Variants in SEMA3E observed in about 807,000 individuals in gnomAD.
The protein encoded by SEMA3E is semaphorin 3E.
Under a neutral mutation model 93.6 loss-of-function variants are expected in SEMA3E, and 49 were observed. That is an observed-to-expected ratio of 0.52 (90% CI 0.42 to 0.66). The LOEUF is 0.66. Ranked by LOEUF, SEMA3E falls within the 30% of genes least tolerant of loss-of-function variation. The pLI, the probability that SEMA3E is intolerant of heterozygous loss-of-function variation, is 0.00. For synonymous variants in SEMA3E, 363 were observed against 330.7 expected (o/e 1.10, Z -1.06); for missense variants, 906 against 964.8 (o/e 0.94, Z 0.81).
chr7:83,460,741 G>A (rs574713259), intron 4 of SEMA3E, among the ~76,000 whole-genome samples: 5 of 148,026 alleles, frequency 3.4e-5, no homozygotes, highest in South Asian at 4.4e-4. Context: ...TCTGTGCCCC[G>A]GCCCCTTATC....
rs1055702696 is a variant in SEMA3E, at chr7:83,420,124, C to T, written c.457-1641G>A. Among the ~76,000 whole-genome samples the T allele has an allele frequency of 5.3e-5, 8 of 152,090 alleles. No homozygotes were observed. The East Asian group carries it at 1.5e-3, about 29-fold the overall frequency. On this transcript the variant is annotated intron_variant, in intron 4 of 16. Coordinates refer to ENST00000643230, the MANE Select transcript of SEMA3E (RefSeq NM_012431.3). ...TACAAAATCAATGTCTAAAAATCAG[C>T]AAAATTTCTATACACATATAGCATT...
At chr7:83,440,512 ACTTT>A (rs1375275175) in intron 4 of SEMA3E, among the ~76,000 whole-genome samples, 2 of 152,160 alleles carry the variant, frequency 1.3e-5, no homozygotes, top group Admixed American at 1.3e-4. Flanking sequence ...TTATAAATAA[ACTTT>A]CTTAGATTCA....
At chr7:83,596,508 T>C (rs937426582) in intron 1 of SEMA3E, among the ~76,000 whole-genome samples, 5 of 152,120 alleles carry the variant, frequency 3.3e-5, no homozygotes, top group African/African-American at 9.7e-5. Context: ...ATAATAAATA[T>C]ATAACTGAAT....
intron 4 of SEMA3E, among the ~76,000 whole-genome samples, chr7:83,466,068 A>G (rs976007699): frequency 6.6e-6 from 1 of 152,132 alleles, no homozygotes; most frequent in Non-Finnish European, 1.5e-5. Context: ...CAGAATCAAA[A>G]AGTCTTTGCA....
intron 1 of SEMA3E, among the ~76,000 whole-genome samples, chr7:83,639,123 A>C (rs1340779235): frequency 2.2e-5 from 3 of 138,744 alleles, no homozygotes; most frequent in Non-Finnish European, 3.1e-5. Flanking sequence ...AAAAAAAAAA[A>C]AAAAAAAAAA....
In SEMA3E at chr7:83,417,288, T is replaced by G. The variant is rs1401377439; in HGVS notation, c.550+1102A>C. On this transcript the variant is annotated intron_variant, in intron 5 of 16. Transcript: ENST00000643230. ...TACTTTTTTACACCTGAGAACCAGA[T>G]GTAGGGAATAGAATGCAAGACCCAT... Among the ~76,000 whole-genome samples the G allele has an allele frequency of 4.6e-5, 7 of 152,004 alleles. No homozygotes were observed. The South Asian group carries it at 6.2e-4, about 13-fold the overall frequency.
chr7:83,387,349 T>G (rs1412830007), intron 14 of SEMA3E, among the ~76,000 whole-genome samples: 1 of 118,054 alleles, frequency 8.5e-6, no homozygotes, highest in Non-Finnish European at 2.0e-5. Context: ...ACAAGAAATC[T>G]TCTAGTTTGA....
At chr7:83,502,682 C>A (rs989351976) in intron 1 of SEMA3E, among the ~76,000 whole-genome samples, 7 of 152,178 alleles carry the variant, frequency 4.6e-5, no homozygotes, top group African/African-American at 1.7e-4. Flanking sequence ...TCCTGTATTG[C>A]ATGAATGCTA....
intron 4 of SEMA3E, among the ~76,000 whole-genome samples, chr7:83,436,369 C>G (rs1376817186): frequency 6.6e-6 from 1 of 150,972 alleles, no homozygotes; most frequent in African/African-American, 2.4e-5. Context: ...GAATAAGAAT[C>G]AAGATTTTTT....
intron 4 of SEMA3E, among the ~76,000 whole-genome samples, chr7:83,431,917 T>G (rs1788891246): frequency 6.6e-6 from 1 of 151,602 alleles, no homozygotes; most frequent in Non-Finnish European, 1.5e-5. Flanking sequence ...TCTGTGCAGG[T>G]GCCACCTATT....
chr7:83,436,297 T>G (rs1468827986), intron 4 of SEMA3E, among the ~76,000 whole-genome samples: 1 of 150,988 alleles, frequency 6.6e-6, no homozygotes, highest in Admixed American at 6.6e-5. Flanking sequence ...TCTAATAAAC[T>G]AGTAAGAAGA....
chr7:83,625,310 T>A (rs1793647574), intron 1 of SEMA3E, among the ~76,000 whole-genome samples: 1 of 152,190 alleles, frequency 6.6e-6, no homozygotes, highest in Non-Finnish European at 1.5e-5. Flanking sequence ...CAAATTAATT[T>A]GCACAGTATG....
intron 1 of SEMA3E, among the ~76,000 whole-genome samples, chr7:83,599,813 C>T (rs892111361): frequency 9.2e-5 from 14 of 151,966 alleles, no homozygotes; most frequent in African/African-American, 2.2e-4. Context: ...TGATGGTGTC[C>T]GTGTATGTTT....
chr7:83,521,445 C>T (rs546668499), intron 1 of SEMA3E, among the ~76,000 whole-genome samples: 2 of 152,246 alleles, frequency 1.3e-5, no homozygotes, highest in Admixed American at 6.5e-5. Flanking sequence ...CAAGGAAAAA[C>T]AGTCTTTCTG....
chr7:83,592,958 AT>A (rs145243318), intron 1 of SEMA3E, among the ~76,000 whole-genome samples: 5 of 151,752 alleles, frequency 3.3e-5, no homozygotes, highest in Admixed American at 1.3e-4. Flanking sequence ...TTTAATAAAC[AT>A]TTTTTTTCTT....
intron 4 of SEMA3E, among the ~76,000 whole-genome samples, chr7:83,459,667 T>A (rs571832921): frequency 2.0e-5 from 3 of 152,180 alleles, no homozygotes; most frequent in Non-Finnish European, 4.4e-5. Flanking sequence ...AATATGCTAA[T>A]TGTCAGGCCT....
intron 1 of SEMA3E, among the ~76,000 whole-genome samples, chr7:83,639,973 G>A (rs1236784531): frequency 5.9e-5 from 9 of 151,980 alleles, no homozygotes; most frequent in Admixed American, 5.9e-4. Flanking sequence ...TAGGAAAAAA[G>A]CAATCAGGAG....
chr7:83,489,732 C>T lies in SEMA3E; in HGVS notation c.276+382G>A, dbSNP rs900890488. Among the ~76,000 whole-genome samples the T allele has an allele frequency of 8.7e-5, 6 of 68,930 alleles. No individual in the cohort carries two copies. In the South Asian group the frequency reaches 3.0e-3, roughly 34 times the overall value. The allele number at this position is 68,930 out of a possible 152,430, so 45.2% of individuals were successfully genotyped here. A position where few individuals can be genotyped will look rare whatever the true frequency, so the allele number is the denominator to read the frequency against. On this transcript the variant is annotated intron_variant, in intron 2 of 16. Transcript: ENST00000643230. Reference sequence around the variant, plus strand: ...ACAGAACTATATGAGGTAGTTATATCGAGGCCACATATTTAACATTTCTTC... The same window carrying T: ...ACAGAACTATATGAGGTAGTTATATTGAGGCCACATATTTAACATTTCTTC...
intron 1 of SEMA3E, among the ~76,000 whole-genome samples, chr7:83,495,717 A>G (rs1245351519): frequency 1.3e-5 from 2 of 152,008 alleles, no homozygotes; most frequent in Non-Finnish European, 2.9e-5. Context: ...TTTGCATAAA[A>G]AGAATTCAAC....
Sources: allele counts gnomAD v4.1 joint callset (sites outside exome capture counted in the v4.1 genomes callset), GRCh38; gene constraint gnomAD v4.1.1; transcripts MANE v1.5; gene names NCBI Gene and HGNC (gene_info 2026-07-23, HGNC 2026-07-21).